Variants in ADAM19 observed in about 807,000 individuals in gnomAD.
ADAM19 encodes ADAM metallopeptidase domain 19, also known as disintegrin and metalloproteinase domain-containing protein 19.
ADAM19 carries 65 observed loss-of-function variants against 114.7 expected under a neutral mutation model. The observed-to-expected ratio is 0.57, with a 90% CI of 0.46 to 0.70. ADAM19 has a LOEUF of 0.70. ADAM19 is among the 30% of genes least tolerant of loss of function. The pLI, the probability that ADAM19 is intolerant of heterozygous loss-of-function variation, is 0.00. For missense variants in ADAM19, 1,063 were observed against 1,204.7 expected, an observed-to-expected ratio of 0.88 and a Z score of 1.74; for synonymous variants, 466 against 460.5, an observed-to-expected ratio of 1.01 and a Z score of -0.15.
chr5:157,523,308 A>G (rs943149976), intron 5 of ADAM19, among the ~76,000 whole-genome samples: 2 of 152,198 alleles, frequency 1.3e-5, no homozygotes, highest in Non-Finnish European at 2.9e-5. Context: ...TATTGAAAAC[A>G]TAGGTATCCA....
intron 7 of ADAM19, 141 bp downstream of exon 7, chr5:157,518,682 C>A: frequency 2.4e-6 from 2 of 817,874 alleles, no homozygotes; most frequent in South Asian, 1.5e-5. Flanking sequence ...CCGCGCCCAG[C>A]CTTTGGTGAG....
At chr5:157,535,724 C>T (rs1159288290) in intron 4 of ADAM19, among the ~76,000 whole-genome samples, 5 of 152,260 alleles carry the variant, frequency 3.3e-5, no homozygotes, top group Admixed American at 3.3e-4. Flanking sequence ...AAGGATCAGT[C>T]ATGAAGTCAT....
Position 157,575,676 on chromosome 5 carries a change from G to A in ADAM19, c.21C>T (p.Ala7=). 7.4e-7 allele frequency: 1 copy of A among 1,352,414 alleles called. No individual in the cohort carries two copies. Among genetic ancestry groups the A allele is most frequent in the Non-Finnish European group, 9.4e-7 (1 of 1,059,532 alleles). 83.8% of individuals were successfully genotyped at this position (1,352,414 alleles called of 1,614,324 possible). A position where few individuals can be genotyped will look rare whatever the true frequency, so the allele number is the denominator to read the frequency against. ...CAAACGCCAGCAAGCAGAGCCGGGC[G>A]GCGCCTGCGCCCCCTGGCATGGTGG... MPGGAG[A]ARLCLLAFAL... is the part of the protein sequence containing the mutation. Residue 7 remains alanine (A), a synonymous_variant, in exon 1 of 23, where the codon GCC becomes GCT. Coordinates refer to ENST00000257527, the MANE Select transcript of ADAM19 (RefSeq NM_033274.5).
chr5:157,506,962 T>C (rs926192174), intron 10 of ADAM19, 94 bp downstream of exon 10: 2 of 1,123,988 alleles, frequency 1.8e-6, no homozygotes, highest in African/African-American at 3.1e-5. Flanking sequence ...TCTGCTACAA[T>C]AATAAATATC....
intron 3 of ADAM19, among the ~76,000 whole-genome samples, chr5:157,544,856 A>G (rs765187203): frequency 4.6e-5 from 7 of 152,194 alleles, no homozygotes; most frequent in Non-Finnish European, 1.0e-4. Flanking sequence ...AGCCGATACC[A>G]CAGAAAACCT....
rs1265018112 is a variant in ADAM19 at position 157,535,314 on chromosome 5, G to A, written c.330+2599C>T. ...CCGCCTGACCTAGATGCAGGCTGTC[G>A]CCTAAAGGCCTGACTGATGAGTCTT... On this transcript the variant is annotated intron_variant, in intron 4 of 22. Transcript: ENST00000257527. Among the ~76,000 whole-genome samples, 4 of 152,212 alleles carry A rather than the reference G, an allele frequency of 2.6e-5. No homozygotes were observed. The South Asian group carries it at 8.3e-4, about 32-fold the overall frequency.
In ADAM19 at chr5:157,502,859, T is replaced by A. The variant is rs746622419; in HGVS notation, c.1252A>T (p.Arg418Trp). The change falls in exon 12 of 23, where the codon AGG becomes TGG. Residue 418 changes from arginine to tryptophan, a missense_variant. By Grantham distance (101) the Arg-to-Trp change is moderately radical. Around this residue, in one of 3 missense-constraint regions of ADAM19, gnomAD observed 615 missense variants for 706.3 expected, o/e 0.87. Coordinates refer to ENST00000257527, the MANE Select transcript of ADAM19 (RefSeq NM_033274.5). Reference protein sequence around the residue: ...PDTRMLYGGRRCGNGYLEDGE... With the variant: ...PDTRMLYGGRWCGNGYLEDGE... Reference sequence around the variant, plus strand: ...TCTTCCAGATACCCGTTCCCACACCTCCGGCCTCCATACAACATCCTGGTG... The same window carrying A: ...TCTTCCAGATACCCGTTCCCACACCACCGGCCTCCATACAACATCCTGGTG... The A allele has an allele frequency of 1.1e-5, 18 of 1,614,040 alleles. No individual in the cohort carries two copies. The highest frequency in any genetic ancestry group is 1.5e-5 in the Non-Finnish European group (18 of 1,180,032).
chr5:157,556,438 C>T lies in ADAM19; in HGVS notation c.251+7935G>A, dbSNP rs987794445. 3.9e-5 allele frequency among the ~76,000 whole-genome samples: 6 copies of T among 152,100 alleles called. No homozygotes were observed. The East Asian group carries it at 9.7e-4, about 25-fold the overall frequency. On this transcript the variant is annotated intron_variant, in intron 3 of 22. Transcript: ENST00000257527. Reference sequence around the variant, plus strand: ...TTCACCATGTTAGTCAGGCTGGTCTCGAACTCCTGACCTCAGGTGATTCAC... The same window carrying T: ...TTCACCATGTTAGTCAGGCTGGTCTTGAACTCCTGACCTCAGGTGATTCAC...
intron 9 of ADAM19, among the ~76,000 whole-genome samples, chr5:157,508,544 G>A (rs1755817115): frequency 6.6e-6 from 1 of 151,626 alleles, no homozygotes; most frequent in South Asian, 2.1e-4. Flanking sequence ...AGGTTGCAGT[G>A]AGCCGAGATC....
chr5:157,567,604 C>T (rs1757700203), intron 2 of ADAM19, among the ~76,000 whole-genome samples: 1 of 152,152 alleles, frequency 6.6e-6, no homozygotes, highest in South Asian at 2.1e-4. Context: ...TCCAGACCAG[C>T]CTGACCAACA....
intron 22 of ADAM19, 66 bp from the exon 23 acceptor site, chr5:157,481,068 C>A: frequency 6.2e-7 from 1 of 1,603,566 alleles, no homozygotes; most frequent in South Asian, 1.1e-5. Flanking sequence ...ATCAAGGGGG[C>A]AGCCATCCTC....
At chr5:157,564,206 A>T (rs1381646713) in intron 3 of ADAM19, among the ~76,000 whole-genome samples, 167 bp downstream of exon 3, 1 of 152,196 alleles carries the variant, frequency 6.6e-6, no homozygotes, top group East Asian at 1.9e-4. Flanking sequence ...TCGAGTCAAG[A>T]GGCTGTGGAA....
chr5:157,495,033 A>G (rs1389082003), intron 14 of ADAM19, among the ~76,000 whole-genome samples: 1 of 151,982 alleles, frequency 6.6e-6, no homozygotes, highest in Non-Finnish European at 1.5e-5. Context: ...TCTGTCACCC[A>G]AGCTGTAATA....
At chr5:157,487,618 G>A (rs1241631337) in intron 21 of ADAM19, among the ~76,000 whole-genome samples, 1 of 152,148 alleles carries the variant, frequency 6.6e-6, no homozygotes, top group Non-Finnish European at 1.5e-5. Context: ...ACACGCAGTG[G>A]GAACAGGCTG....
intron 21 of ADAM19, among the ~76,000 whole-genome samples, chr5:157,484,574 C>G (rs1429573590): frequency 1.3e-5 from 2 of 152,178 alleles, no homozygotes; most frequent in African/African-American, 4.8e-5. Flanking sequence ...AAGGCAAGCA[C>G]ATAGAGAGGG....
intron 3 of ADAM19, among the ~76,000 whole-genome samples, chr5:157,541,070 A>G (rs1393458001): frequency 6.6e-6 from 1 of 152,154 alleles, no homozygotes; most frequent in Non-Finnish European, 1.5e-5. Flanking sequence ...CTAGGTCCAC[A>G]TACGCCCATG....
intron 3 of ADAM19, among the ~76,000 whole-genome samples, chr5:157,563,967 C>A (rs1199350218): frequency 6.6e-6 from 1 of 152,192 alleles, no homozygotes; most frequent in Non-Finnish European, 1.5e-5. Flanking sequence ...CAAGCCCCAG[C>A]ACACCCTGCT....
At chr5:157,501,080 C>T (rs1278529430) in intron 12 of ADAM19, among the ~76,000 whole-genome samples, 1 of 152,176 alleles carries the variant, frequency 6.6e-6, no homozygotes, top group African/African-American at 2.4e-5. Flanking sequence ...ACATCCCATC[C>T]CCTGACCACA....
intron 21 of ADAM19, among the ~76,000 whole-genome samples, chr5:157,487,794 G>A (rs1310257052): frequency 6.6e-6 from 1 of 152,226 alleles, no homozygotes; most frequent in Non-Finnish European, 1.5e-5. Context: ...TTGGTAGGAA[G>A]AGTACTATGA....
Sources: allele counts gnomAD v4.1 joint callset (sites outside exome capture counted in the v4.1 genomes callset), GRCh38; gene constraint gnomAD v4.1.1; regional missense constraint gnomAD v4.1.1; transcripts MANE v1.5; gene names NCBI Gene and HGNC (gene_info 2026-07-23, HGNC 2026-07-21).